SP100: variants seen among roughly 807,000 people sequenced by gnomAD.
SP100 encodes the protein nuclear autoantigen Sp-100.
SP100 carries 84 observed loss-of-function variants against 130.0 expected under a neutral mutation model. The ratio of observed to expected loss-of-function variants is 0.65; its 90% CI spans 0.54 to 0.77. The LOEUF (loss-of-function observed/expected upper bound fraction) is 0.77, where lower values mean the gene tolerates loss of function less well. Among genes scored for constraint, SP100 ranks in the 30% least tolerant of loss-of-function variants. The pLI, the probability that SP100 is intolerant of heterozygous loss-of-function variation, is 0.00. For synonymous variants in SP100, 331 were observed against 351.7 expected, an observed-to-expected ratio of 0.94 and a Z score of 0.66; for missense variants, 978 against 1,052.2, an observed-to-expected ratio of 0.93 and a Z score of 0.97.
chr2:230,489,961 A>G (rs1275882797), intron 17 of SP100, among the ~76,000 whole-genome samples: 1 of 152,204 alleles, frequency 6.6e-6, no homozygotes, highest in African/African-American at 2.4e-5. Context: ...AATAAGTACC[A>G]TGTGACACTG....
chr2:230,428,916 G>A (rs1575592947), intron 2 of SP100, among the ~76,000 whole-genome samples: 1 of 152,166 alleles, frequency 6.6e-6, no homozygotes, highest in African/African-American at 2.4e-5. Context: ...TATATTAATT[G>A]CTATAGATAT....
At chr2:230,433,409 G>A (rs1353075175) in intron 2 of SP100, among the ~76,000 whole-genome samples, 1 of 152,108 alleles carries the variant, frequency 6.6e-6, no homozygotes, top group Non-Finnish European at 1.5e-5. Context: ...TATAGTAAGT[G>A]TTGAAATCAC....
rs836230 is a variant in SP100, at chr2:230,494,383, T to A, written c.1601-33T>A. On this transcript the variant is annotated intron_variant, in intron 17 of 28. Transcript: ENST00000340126. Reference sequence around the variant, plus strand: ...GTGTGTAAATCTTTGTTTATAGTTCTAAAGGATTATTTTCTTTCTTTTCTG... The same window carrying A: ...GTGTGTAAATCTTTGTTTATAGTTCAAAAGGATTATTTTCTTTCTTTTCTG... 9 of 1,457,506 alleles carry A rather than the reference T, an allele frequency of 6.2e-6. No individual in the cohort carries two copies. In the Admixed American group the frequency reaches 1.2e-4, roughly 19 times the overall value. 90.3% of individuals were successfully genotyped at this position (1,457,506 alleles called of 1,614,324 possible).
intron 2 of SP100, among the ~76,000 whole-genome samples, chr2:230,438,735 T>G (rs2063379071): frequency 6.6e-6 from 1 of 152,026 alleles, no homozygotes. Flanking sequence ...TATATACATA[T>G]ATATATCACA....
rs1285098814 is a variant in SP100 at position 230,433,220 on chromosome 2, C to T, written c.108-9717C>T. 2.0e-5 allele frequency among the ~76,000 whole-genome samples: 3 copies of T among 152,238 alleles called. No homozygotes were observed. In the East Asian group the frequency reaches 5.8e-4, roughly 29 times the overall value. ...TCTAATTTCATATTTTTGCATGTGC[C>T]TATCCAGTTATACTAGTACTATTTG... On this transcript the variant is annotated intron_variant, in intron 2 of 28. Transcript: ENST00000340126.
intron 24 of SP100, among the ~76,000 whole-genome samples, chr2:230,519,118 T>A (rs1195116504): frequency 2.6e-5 from 4 of 152,248 alleles, no homozygotes; most frequent in Non-Finnish European, 5.9e-5. Context: ...AACATTTATA[T>A]CTCAAAGCAC....
At chr2:230,531,044 T>C (rs938385294) in intron 24 of SP100, among the ~76,000 whole-genome samples, 12 of 152,214 alleles carry the variant, frequency 7.9e-5, no homozygotes, top group African/African-American at 2.9e-4. Flanking sequence ...AGAAATACTA[T>C]TTGACCCAGC....
At chr2:230,524,519 T>C (rs1691335473) in intron 24 of SP100, among the ~76,000 whole-genome samples, 1 of 152,168 alleles carries the variant, frequency 6.6e-6, no homozygotes, top group African/African-American at 2.4e-5. Flanking sequence ...ATGCAGTTAA[T>C]TTAAAGTTCT....
At chr2:230,515,726 A>C (rs1302928398) in intron 24 of SP100, 1 of 1,521,162 alleles carries the variant, frequency 6.6e-7, no homozygotes, top group African/African-American at 1.4e-5. Context: ...AAAAAACTTC[A>C]ACGTAAGACT....
At chr2:230,511,514 C>T (rs1294447119) in intron 24 of SP100, among the ~76,000 whole-genome samples, 5 of 152,114 alleles carry the variant, frequency 3.3e-5, no homozygotes, top group Non-Finnish European at 2.9e-5. Context: ...AAAATAAAAG[C>T]ATTTTCAAGT....
chr2:230,487,582 G>A (rs892531422), intron 17 of SP100, among the ~76,000 whole-genome samples: 4 of 152,208 alleles, frequency 2.6e-5, no homozygotes, highest in African/African-American at 9.7e-5. Flanking sequence ...CTGTAGCCTT[G>A]TAGTATAATT....
In SP100 at chr2:230,446,901, A is replaced by C; in HGVS notation, c.522A>C (p.Gln174His). The change falls in exon 5 of 29, where the codon CAA becomes CAC. Residue 174 changes from glutamine (Q) to histidine (H), a missense_variant and splice_region_variant. Gln to His is a conservative substitution (Grantham distance 24). Coordinates refer to ENST00000340126, the MANE Select transcript of SP100 (RefSeq NM_001080391.2). Reference sequence around the variant, plus strand: ...CTGGCCTCCAACTAAGTCTTGAACAAGGTAAAAATGACAGAATAAAAGCTT... The same window carrying C: ...CTGGCCTCCAACTAAGTCTTGAACACGGTAAAAATGACAGAATAAAAGCTT... ...ERSGLQLSLE[Q>H]GTGENSFRSL... 1 of 1,596,470 alleles carries C rather than the reference A, an allele frequency of 6.3e-7. No individual in the cohort carries two copies. The highest frequency in any genetic ancestry group is 8.6e-7 in the Non-Finnish European group (1 of 1,165,632).
intron 9 of SP100, 120 bp downstream of exon 9, chr2:230,461,534 A>G (rs1339550986): frequency 5.2e-6 from 5 of 957,670 alleles, no homozygotes; most frequent in Non-Finnish European, 8.0e-6. Flanking sequence ...CAGGAAGGGA[A>G]AGGGGCTGGC....
At chr2:230,436,884 A>ACATATATGTGTATACACACACG (rs2063289785) in intron 2 of SP100, among the ~76,000 whole-genome samples, 2 of 85,382 alleles carry the variant, frequency 2.3e-5, no homozygotes, top group East Asian at 2.5e-4. Context: ...GTATACACAC[A>ACATATATGTGTATACACACACG]CATATATGTG....
At chr2:230,534,271 T>A (rs1443581974) in intron 24 of SP100, among the ~76,000 whole-genome samples, 1 of 152,134 alleles carries the variant, frequency 6.6e-6, no homozygotes, top group African/African-American at 2.4e-5. Flanking sequence ...CCGGGCGTGG[T>A]GGTGGGCACC....
chr2:230,525,281 G>A lies in SP100; in HGVS notation c.2095-13986G>A, dbSNP rs73098970. ...TCCCTGTGTGTCTATCTTCATGAGCGTACAGAAAAAACAGTAAGTTGAAAA... is the reference window on the plus strand; with the variant it reads ...TCCCTGTGTGTCTATCTTCATGAGCATACAGAAAAAACAGTAAGTTGAAAA... On this transcript the variant is annotated intron_variant, in intron 24 of 28. Coordinates refer to ENST00000340126, the MANE Select transcript of SP100 (RefSeq NM_001080391.2). Among the ~76,000 whole-genome samples the A allele has an allele frequency of 4.7e-3, 708 of 152,098 alleles. 3 individuals carry two copies. The highest frequency in any genetic ancestry group is 0.016 in the African/African-American group (665 of 41,474).
At chr2:230,426,800 T>G (rs1156572601) in intron 2 of SP100, among the ~76,000 whole-genome samples, 3 of 152,222 alleles carry the variant, frequency 2.0e-5, no homozygotes, top group African/African-American at 7.2e-5. Flanking sequence ...CAATGTTTCC[T>G]TATATTTTTC....
At chr2:230,429,668 C>T (rs546396980) in intron 2 of SP100, among the ~76,000 whole-genome samples, 12 of 151,780 alleles carry the variant, frequency 7.9e-5, no homozygotes, top group African/African-American at 2.7e-4. Context: ...TATTTTTGCT[C>T]CTCTGAGTAA....
rs1197711896 is a variant in SP100 at position 230,545,252 on chromosome 2, A to G, written c.*2306A>G. Reference sequence around the variant, plus strand: ...ATACACCATGGAATAGTATGCAGCCATAAGAAACAATGAGATCATGTCTCA... The same window carrying G: ...ATACACCATGGAATAGTATGCAGCCGTAAGAAACAATGAGATCATGTCTCA... On this transcript the variant is annotated 3_prime_UTR_variant, in exon 29 of 29. Transcript: ENST00000340126. Among the ~76,000 whole-genome samples, 2 of 152,266 alleles carry G rather than the reference A, an allele frequency of 1.3e-5. No homozygotes were observed. Among genetic ancestry groups the G allele is most frequent in the African/African-American group, 4.8e-5 (2 of 41,466 alleles).
Sources: allele counts gnomAD v4.1 joint callset (sites outside exome capture counted in the v4.1 genomes callset), GRCh38; gene constraint gnomAD v4.1.1; transcripts MANE v1.5; gene names NCBI Gene and HGNC (gene_info 2026-07-23, HGNC 2026-07-21).